Variants in MCC observed in about 807,000 individuals in gnomAD.
MCC encodes MCC regulator of Wnt signaling pathway, also known as colorectal mutant cancer protein.
Under a neutral mutation model 116.2 loss-of-function variants are expected in MCC, and 90 were observed. The observed-to-expected ratio is 0.77, with a 90% confidence interval of 0.65 to 0.92. The LOEUF is 0.92. MCC is among the 40% of genes least tolerant of loss of function. MCC has a pLI of 0.00. For synonymous variants in MCC, 578 were observed against 510.5 expected (o/e 1.13, Z -1.78); for missense variants, 1,516 against 1,312.2 (o/e 1.16, Z -2.40).
intron 3 of MCC, among the ~76,000 whole-genome samples, chr5:113,309,251 T>G (rs979624333): frequency 6.6e-6 from 1 of 152,182 alleles, no homozygotes; most frequent in African/African-American, 2.4e-5. Flanking sequence ...ATCGATAAAC[T>G]GTATAATGTG....
chr5:113,399,641 G>T (rs1769626300), intron 1 of MCC, among the ~76,000 whole-genome samples: 1 of 151,810 alleles, frequency 6.6e-6, no homozygotes, highest in African/African-American at 2.4e-5. Context: ...TTCTAATTTT[G>T]GATTCATTTC....
intron 2 of MCC, among the ~76,000 whole-genome samples, chr5:113,357,423 G>A (rs1768440802): frequency 6.6e-6 from 1 of 152,180 alleles, no homozygotes; most frequent in Admixed American, 6.6e-5. Context: ...GTTACAGTAG[G>A]TAGTCAGGCA....
At chr5:113,282,754 G>T (rs1766098636) in intron 3 of MCC, among the ~76,000 whole-genome samples, 1 of 152,194 alleles carries the variant, frequency 6.6e-6, no homozygotes, top group African/African-American at 2.4e-5. Flanking sequence ...CATCAAAAGT[G>T]CTCCCAATCA....
intron 3 of MCC, among the ~76,000 whole-genome samples, chr5:113,195,364 T>C (rs911444710): frequency 6.6e-6 from 1 of 152,164 alleles, no homozygotes; most frequent in African/African-American, 2.4e-5. Context: ...CTAATAGAAT[T>C]AGACCTACAA....
chr5:113,163,301 C>A (rs559122638), intron 3 of MCC, among the ~76,000 whole-genome samples: 1 of 152,216 alleles, frequency 6.6e-6, no homozygotes, highest in African/African-American at 2.4e-5. Flanking sequence ...GAAAAATAAT[C>A]AAAAATAATA....
chr5:113,031,164 A>G (rs1002315047), intron 17 of MCC, among the ~76,000 whole-genome samples: 1 of 152,182 alleles, frequency 6.6e-6, no homozygotes, highest in Non-Finnish European at 1.5e-5. Context: ...TGCTTTTGGG[A>G]GAGAGGATGG....
Position 113,051,728 on chromosome 5 carries a change from CAACA to C in MCC, c.2448+1993_2448+1996del, listed in dbSNP as rs36220203. ...AACACAGTGAGACCCTGTTTCAAAA[CAACA>C]AACAAACAAACAAACAACAACAAAA... On this transcript the variant is annotated intron_variant, in intron 15 of 18. Coordinates refer to ENST00000408903, the MANE Select transcript of MCC (RefSeq NM_001085377.2). Among the ~76,000 whole-genome samples, 262 of 151,492 alleles carry C rather than the reference CAACA, an allele frequency of 1.7e-3. 6 individuals are homozygous for C. In the East Asian group the frequency reaches 0.025, roughly 14 times the overall value.
intron 3 of MCC, among the ~76,000 whole-genome samples, chr5:113,337,833 T>C (rs755679958): frequency 4.6e-5 from 7 of 152,194 alleles, no homozygotes; most frequent in Non-Finnish European, 7.3e-5. Flanking sequence ...AAATGTGCAG[T>C]TTCAAGAGAC....
At chr5:113,263,116 G>A (rs1005622729) in intron 3 of MCC, among the ~76,000 whole-genome samples, 1 of 152,206 alleles carries the variant, frequency 6.6e-6, no homozygotes, top group African/African-American at 2.4e-5. Context: ...CTTATAGAGA[G>A]GGAACGTTCA....
intron 6 of MCC, among the ~76,000 whole-genome samples, chr5:113,107,351 T>G (rs1756806769): frequency 6.6e-6 from 1 of 151,936 alleles, no homozygotes; most frequent in South Asian, 2.1e-4. Context: ...CCGAGTAGCT[T>G]GGATTACAGG....
intron 3 of MCC, among the ~76,000 whole-genome samples, chr5:113,338,811 T>C (rs1207049801): frequency 2.0e-5 from 3 of 152,214 alleles, no homozygotes; most frequent in Non-Finnish European, 4.4e-5. Context: ...AAGATTAGGA[T>C]AGTTAGAGTT....
chr5:113,132,437 T>TATAC (rs1268317054), intron 5 of MCC, among the ~76,000 whole-genome samples: 16 of 75,616 alleles, frequency 2.1e-4, no homozygotes, highest in African/African-American at 7.1e-4. Context: ...CATATATATA[T>TATAC]ATATATACAC....
At chr5:113,051,269 G>A (rs1274056781) in intron 15 of MCC, among the ~76,000 whole-genome samples, 1 of 152,102 alleles carries the variant, frequency 6.6e-6, no homozygotes, top group East Asian at 1.9e-4. Context: ...CCACCACCGA[G>A]GAAATGAGAA....
intron 11 of MCC, among the ~76,000 whole-genome samples, chr5:113,074,185 C>T (rs575589309): frequency 1.6e-4 from 24 of 152,304 alleles, no homozygotes; most frequent in Admixed American, 9.2e-4. Flanking sequence ...ACGAAGCTTC[C>T]AGAGGAAGGA....
intron 6 of MCC, among the ~76,000 whole-genome samples, chr5:113,110,281 T>C (rs1757010890): frequency 6.6e-6 from 1 of 152,222 alleles, no homozygotes; most frequent in Admixed American, 6.5e-5. Flanking sequence ...ACACGGTGAC[T>C]GGATCAGGGA....
At chr5:113,475,854 G>A (rs774482566) in intron 1 of MCC, among the ~76,000 whole-genome samples, 20 of 152,138 alleles carry the variant, frequency 1.3e-4, no homozygotes, top group Admixed American at 9.8e-4. Flanking sequence ...TAGCTAGGCC[G>A]CATGTATGGT....
At chr5:113,439,548 A>G (rs535003955) in intron 1 of MCC, among the ~76,000 whole-genome samples, 110 of 152,322 alleles carry the variant, frequency 7.2e-4, no homozygotes, top group Admixed American at 3.7e-3. Context: ...GTCCTAGCCT[A>G]CCTCACAACT....
At chr5:113,111,781 A>T (rs1396862352) in intron 6 of MCC, among the ~76,000 whole-genome samples, 1 of 152,220 alleles carries the variant, frequency 6.6e-6, no homozygotes, top group African/African-American at 2.4e-5. Flanking sequence ...TACTTTGGAA[A>T]TCTGGAAAGG....
chr5:113,091,453 C>A (rs1282981377), intron 8 of MCC, among the ~76,000 whole-genome samples: 2 of 152,102 alleles, frequency 1.3e-5, no homozygotes, highest in East Asian at 3.9e-4. Flanking sequence ...GCTGAATTCA[C>A]CCTAGGGGAA....
Sources: gnomAD v4.1 joint callset for allele counts (sites outside exome capture counted in the v4.1 genomes callset) on GRCh38, gnomAD v4.1.1 for gene constraint, MANE v1.5 for transcripts, NCBI Gene and HGNC (gene_info 2026-07-23, HGNC 2026-07-21) for gene names.